FCHSD2: variants seen among roughly 807,000 people sequenced by gnomAD.
FCHSD2 encodes the protein FCH and double SH3 domains 2.
A neutral mutation model predicts 108.1 loss-of-function variants in FCHSD2; 38 were observed. The ratio of observed to expected loss-of-function variants is 0.35; its 90% CI spans 0.27 to 0.46. FCHSD2 has a LOEUF of 0.46. FCHSD2 is among the 20% of genes least tolerant of loss of function. The pLI is 1.00. For missense variants in FCHSD2, 751 were observed against 897.8 expected, an observed-to-expected ratio of 0.84 and a Z score of 2.09; for synonymous variants, 279 against 314.7, an observed-to-expected ratio of 0.89 and a Z score of 1.20.
chr11:72,847,716 A>C (rs1861183681), intron 14 of FCHSD2, among the ~76,000 whole-genome samples: 2 of 140,242 alleles, frequency 1.4e-5, no homozygotes, highest in Admixed American at 7.4e-5. Flanking sequence ...TTTTTGAGAC[A>C]GAGTCTCGCT....
intron 9 of FCHSD2, among the ~76,000 whole-genome samples, chr11:72,905,259 T>C (rs1482297258): frequency 6.6e-6 from 1 of 152,116 alleles, no homozygotes; most frequent in East Asian, 1.9e-4. Flanking sequence ...CCCGCTCTCC[T>C]TTTTTTCAAA....
At chr11:72,904,996 C>T (rs1358450169) in intron 9 of FCHSD2, among the ~76,000 whole-genome samples, 1 of 152,078 alleles carries the variant, frequency 6.6e-6, no homozygotes, top group African/African-American at 2.4e-5. Flanking sequence ...GGGAAGGTAA[C>T]GTTTACTTCC....
At chr11:73,020,997 C>T (rs1858088937) in intron 3 of FCHSD2, among the ~76,000 whole-genome samples, 1 of 152,080 alleles carries the variant, frequency 6.6e-6, no homozygotes, top group African/African-American at 2.4e-5. Flanking sequence ...GCCTCTCAGC[C>T]TCCAGAGTAG....
chr11:72,850,224 G>C (rs1861249272), intron 13 of FCHSD2, among the ~76,000 whole-genome samples: 1 of 151,806 alleles, frequency 6.6e-6, no homozygotes. Flanking sequence ...CACCACACCT[G>C]GCTAATTGTT....
At chr11:72,915,660 A>G (rs1274923399) in intron 9 of FCHSD2, among the ~76,000 whole-genome samples, 6 of 152,092 alleles carry the variant, frequency 3.9e-5, no homozygotes, top group African/African-American at 1.4e-4. Flanking sequence ...CTCTACAAAA[A>G]TACAAAAATT....
intron 2 of FCHSD2, among the ~76,000 whole-genome samples, chr11:73,108,634 T>C (rs1276096066): frequency 1.3e-5 from 2 of 152,206 alleles, no homozygotes; most frequent in African/African-American, 2.4e-5. Flanking sequence ...AGTGGCGCAA[T>C]CTCGGCTCAC....
At chr11:73,070,795 C>T (rs943492811) in intron 3 of FCHSD2, among the ~76,000 whole-genome samples, 1 of 151,714 alleles carries the variant, frequency 6.6e-6, no homozygotes, top group Non-Finnish European at 1.5e-5. Context: ...TAGAGCGTCA[C>T]CATTCACTTA....
At chr11:72,908,000 A>G (rs1855671479) in intron 9 of FCHSD2, among the ~76,000 whole-genome samples, 1 of 152,134 alleles carries the variant, frequency 6.6e-6, no homozygotes. Context: ...TTTTATACCC[A>G]TTAGCCATCC....
chr11:73,049,915 T>A (rs1165963404), intron 3 of FCHSD2, among the ~76,000 whole-genome samples: 1 of 152,118 alleles, frequency 6.6e-6, no homozygotes, highest in Non-Finnish European at 1.5e-5. Context: ...CTATCATGTG[T>A]ACAAGGAAGG....
intron 8 of FCHSD2, among the ~76,000 whole-genome samples, chr11:72,930,845 C>CA (rs898055332): frequency 3.2e-4 from 49 of 151,768 alleles, no homozygotes; most frequent in African/African-American, 1.2e-3. Context: ...CTAATGGGTA[C>CA]AAAAAAATAG....
intron 8 of FCHSD2, chr11:72,940,854 T>C (rs1405119525): frequency 7.6e-6 from 7 of 915,902 alleles, no homozygotes; most frequent in African/African-American, 3.2e-5. Context: ...TGAATTCTTA[T>C]TGGGTTGGTG....
At chr11:72,917,513 G>C (rs1344181529) in intron 9 of FCHSD2, among the ~76,000 whole-genome samples, 1 of 152,110 alleles carries the variant, frequency 6.6e-6, no homozygotes, top group Non-Finnish European at 1.5e-5. Flanking sequence ...TATGAAATTG[G>C]GAAGTGTGAG....
chr11:72,869,636 T>C (rs952678749), intron 12 of FCHSD2: 1 of 152,246 alleles, frequency 6.6e-6, no homozygotes, highest in East Asian at 1.9e-4. Flanking sequence ...GTATATGTGA[T>C]GCTGAAGTGA....
chr11:72,913,820 A>T (rs1291516792), intron 9 of FCHSD2, among the ~76,000 whole-genome samples: 1 of 149,270 alleles, frequency 6.7e-6, no homozygotes, highest in Non-Finnish European at 1.5e-5. Context: ...AACCAAAAAA[A>T]ACCCAAAAAA....
In FCHSD2 at chr11:72,843,465, A is replaced by G. The variant is rs1333963278; in HGVS notation, c.1511T>C (p.Met504Thr). 3.1e-6 allele frequency: 5 copies of G among 1,613,476 alleles called. No individual in the cohort carries two copies. The highest frequency in any genetic ancestry group is 4.2e-6 in the Non-Finnish European group (5 of 1,179,362). ...GGAATATACCTTTACCCAGTCTTCCATATCTCCATCTTCAATCACTTCTAA... is the reference window on the plus strand; with the variant it reads ...GGAATATACCTTTACCCAGTCTTCCGTATCTCCATCTTCAATCACTTCTAA... ...EVLEVIEDGDMEDWVKARNKV... is the reference protein window; with the variant it reads ...EVLEVIEDGDTEDWVKARNKV... Residue 504 changes from methionine to threonine, a missense_variant, in exon 15 of 20, where the codon ATG becomes ACG. By Grantham distance (81) the Met-to-Thr change is moderately conservative. Transcript: ENST00000409418.
chr11:72,899,150 T>C (rs1855478181), intron 10 of FCHSD2, among the ~76,000 whole-genome samples: 1 of 152,246 alleles, frequency 6.6e-6, no homozygotes, highest in African/African-American at 2.4e-5. Context: ...GGTAATGCCA[T>C]TAGAAAAATG....
intron 8 of FCHSD2, among the ~76,000 whole-genome samples, chr11:72,927,790 G>A (rs1354638634): frequency 6.6e-6 from 1 of 152,188 alleles, no homozygotes; most frequent in Non-Finnish European, 1.5e-5. Context: ...AGGCAGAGAA[G>A]CCTACCATCC....
intron 13 of FCHSD2, among the ~76,000 whole-genome samples, chr11:72,863,154 C>T (rs1222276220): frequency 6.6e-6 from 1 of 151,874 alleles, no homozygotes; most frequent in Non-Finnish European, 1.5e-5. Flanking sequence ...TGGTCTCAAA[C>T]TCCTGGCCAG....
chr11:72,917,583 T>A, intron 9 of FCHSD2, among the ~76,000 whole-genome samples: 1 of 152,152 alleles, frequency 6.6e-6, no homozygotes. Flanking sequence ...CCCTTGTAGT[T>A]CCATATTAAT....
Sources: allele counts gnomAD v4.1 joint callset (sites outside exome capture counted in the v4.1 genomes callset), GRCh38; gene constraint gnomAD v4.1.1; transcripts MANE v1.5; gene names NCBI Gene and HGNC (gene_info 2026-07-23, HGNC 2026-07-21).